WDR11: variants seen among roughly 807,000 people sequenced by gnomAD.
WDR11 encodes the protein WD repeat domain 11, also known as WD repeat-containing protein 11.
A neutral mutation model predicts 151.2 loss-of-function variants in WDR11; 83 were observed. That is an observed-to-expected ratio of 0.55 (90% CI 0.46 to 0.66). WDR11 has a LOEUF of 0.66. Ranked by LOEUF, WDR11 falls within the 30% of genes least tolerant of loss-of-function variation. The probability of loss-of-function intolerance (pLI) is 0.00; values close to 1 mark genes in which losing one functional copy is unlikely to be tolerated. For synonymous variants in WDR11, 484 were observed against 533.1 expected (o/e 0.91, Z 1.27); for missense variants, 1,301 against 1,480.9 (o/e 0.88, Z 1.99).
chr10:120,886,980 G>A (rs1246574902), intron 16 of WDR11, 144 bp downstream of exon 16: 2 of 853,486 alleles, frequency 2.3e-6, no homozygotes, highest in Non-Finnish European at 3.7e-6. Context: ...GATTAAACTT[G>A]TTCCATACTG....
chr10:120,886,418 T>C (rs572083527), intron 15 of WDR11, among the ~76,000 whole-genome samples: 19 of 152,316 alleles, frequency 1.2e-4, no homozygotes, highest in African/African-American at 4.6e-4. Context: ...CACAGTTCTA[T>C]AGCCAAAATC....
chr10:120,905,831 T>C, intron 26 of WDR11, 45 bp from the exon 27 acceptor site: 1 of 1,614,116 alleles, frequency 6.2e-7, no homozygotes, highest in Non-Finnish European at 8.5e-7. Context: ...TTTTTCTTTA[T>C]AGAGTGCAGG....
chr10:120,858,676 A>G lies in WDR11; in HGVS notation c.232A>G (p.Ile78Val). 2 of 1,614,254 alleles carry G rather than the reference A, an allele frequency of 1.2e-6. No homozygotes were observed. Among genetic ancestry groups the G allele is most frequent in the Non-Finnish European group, 1.7e-6 (2 of 1,180,050 alleles). The change falls in exon 3 of 29, where the codon ATT (isoleucine) becomes GTT (valine). Residue 78 changes from isoleucine to valine, a missense_variant. Ile to Val is a conservative substitution (Grantham distance 29, BLOSUM62 3). Coordinates refer to ENST00000263461, the MANE Select transcript of WDR11 (RefSeq NM_018117.12). ...GGCCAGGGAAAACTATCACCATAACATTGGCTCACCATATTGCTTACGGTT... is the reference window on the plus strand; with the variant it reads ...GGCCAGGGAAAACTATCACCATAACGTTGGCTCACCATATTGCTTACGGTT... Reference protein sequence around the residue: ...KWARENYHHNIGSPYCLRLAS... With the variant: ...KWARENYHHNVGSPYCLRLAS...
At chr10:120,894,299 A>G (rs887533358) in intron 19 of WDR11, among the ~76,000 whole-genome samples, 6 of 152,220 alleles carry the variant, frequency 3.9e-5, no homozygotes, top group African/African-American at 9.6e-5. Context: ...CTAAGTAAGC[A>G]TATATAGAAA....
chr10:120,888,792 TC>T (rs201466761), intron 16 of WDR11, among the ~76,000 whole-genome samples: 1 of 151,918 alleles, frequency 6.6e-6, no homozygotes, highest in South Asian at 2.1e-4. Flanking sequence ...TACTTTAATT[TC>T]CCCCTTTTTT....
At chr10:120,857,826 C>T (rs969214360) in intron 2 of WDR11, among the ~76,000 whole-genome samples, 1 of 151,672 alleles carries the variant, frequency 6.6e-6, no homozygotes, top group African/African-American at 2.4e-5. Context: ...AATAGAAATG[C>T]AAACAAAGAC....
At chr10:120,895,562 T>C (rs1352618041) in intron 19 of WDR11, among the ~76,000 whole-genome samples, 1 of 151,162 alleles carries the variant, frequency 6.6e-6, no homozygotes, top group African/African-American at 2.4e-5. Context: ...TAAACGAAAG[T>C]GTTCAATAAG....
At chr10:120,887,612 A>C (rs956933815) in intron 16 of WDR11, among the ~76,000 whole-genome samples, 8 of 152,214 alleles carry the variant, frequency 5.3e-5, no homozygotes, top group Non-Finnish European at 7.3e-5. Context: ...AGTCTTTTGA[A>C]GTGTAATGGG....
chr10:120,877,006 C>G (rs893688446), intron 11 of WDR11, among the ~76,000 whole-genome samples: 2 of 152,160 alleles, frequency 1.3e-5, no homozygotes, highest in Non-Finnish European at 2.9e-5. Flanking sequence ...AAAATGTTGG[C>G]TGAGCCAAGA....
chr10:120,874,709 C>T (rs1408140219), intron 11 of WDR11, among the ~76,000 whole-genome samples: 2 of 151,578 alleles, frequency 1.3e-5, no homozygotes, highest in Admixed American at 1.3e-4. Context: ...TGGCTTCCAG[C>T]TCCATCCATA....
intron 19 of WDR11, among the ~76,000 whole-genome samples, chr10:120,891,464 T>TAA (rs1277464502): frequency 1.4e-5 from 2 of 145,814 alleles, no homozygotes; most frequent in Admixed American, 6.8e-5. Flanking sequence ...ATATGACTTC[T>TAA]AAAAAAAAAA....
At chr10:120,905,041 T>C (rs1847980170) in intron 25 of WDR11, among the ~76,000 whole-genome samples, 2 of 152,220 alleles carry the variant, frequency 1.3e-5, no homozygotes, top group African/African-American at 4.8e-5. Context: ...ATAATAGGCA[T>C]AAATCCAACA....
At chr10:120,883,705 G>A in intron 13 of WDR11, 75 bp from the exon 14 acceptor site, 2 of 1,276,030 alleles carry the variant, frequency 1.6e-6, no homozygotes, top group Non-Finnish European at 2.3e-6. Context: ...TCAATTTACT[G>A]AACTTTTTAT....
In WDR11 at chr10:120,866,556, A is replaced by G. The variant is rs781497933; in HGVS notation, c.995-13A>G. The G allele has an allele frequency of 7.4e-6, 12 of 1,614,134 alleles. No individual in the cohort carries two copies. Among genetic ancestry groups the G allele is most frequent in the Admixed American group, 1.7e-5 (1 of 60,018 alleles). ...TGGCTGCTTTCTGATATTTAAAACA[A>G]TTTTATGTGAAGATCCAGATCCAGT... is the stretch of plus-strand genomic sequence containing the variant. On this transcript the variant is annotated splice_polypyrimidine_tract_variant and intron_variant, in intron 7 of 28. Transcript: ENST00000263461.
chr10:120,873,182 T>C (rs1170444837), intron 10 of WDR11, among the ~76,000 whole-genome samples: 1 of 152,208 alleles, frequency 6.6e-6, no homozygotes, highest in Non-Finnish European at 1.5e-5. Context: ...TTTGTGCCAA[T>C]TACTGTGCTT....
intron 2 of WDR11, 87 bp from the exon 3 acceptor site, chr10:120,858,556 T>C: frequency 6.8e-7 from 1 of 1,479,804 alleles, no homozygotes; most frequent in East Asian, 2.3e-5. Context: ...ATAAATGTAG[T>C]ATGGGTTCTG....
rs772736861 is a variant in WDR11, at chr10:120,885,934, A to G, written c.1969A>G (p.Ile657Val). ...TELSIVESSVISLLQEAESKS... is the reference protein window; with the variant it reads ...TELSIVESSVVSLLQEAESKS... ...GCTGAGTATTGTTGAATCATCTGTG[A>G]TCAGGTACAGTACAGTGTTTCTTGA... The change falls in exon 15 of 29, where the codon ATC (isoleucine) becomes GTC (valine). Residue 657 changes from isoleucine (I) to valine (V), a missense_variant. By Grantham distance (29) the Ile-to-Val change is conservative. Around this residue, in one of 3 missense-constraint regions of WDR11, gnomAD observed 20 missense variants for 47.8 expected, o/e 0.42. Coordinates refer to ENST00000263461, the MANE Select transcript of WDR11 (RefSeq NM_018117.12). The G allele has an allele frequency of 2.5e-6, 4 of 1,613,334 alleles. No individual in the cohort carries two copies. In the African/African-American group the frequency reaches 5.3e-5, roughly 22 times the overall value.
chr10:120,886,036 G>A, intron 15 of WDR11, 98 bp downstream of exon 15: 1 of 1,515,146 alleles, frequency 6.6e-7, no homozygotes. Flanking sequence ...GTAGCAAGTT[G>A]GACTCTGCTT....
At chr10:120,856,796 C>T (rs1845963836) in intron 2 of WDR11, among the ~76,000 whole-genome samples, 1 of 151,818 alleles carries the variant, frequency 6.6e-6, no homozygotes, top group Non-Finnish European at 1.5e-5. Flanking sequence ...CAAATATATA[C>T]ACATATACAA....
Sources: gnomAD v4.1 joint callset for allele counts (sites outside exome capture counted in the v4.1 genomes callset) on GRCh38, gnomAD v4.1.1 for gene constraint, gnomAD v4.1.1 regional missense constraint, MANE v1.5 for transcripts, NCBI Gene and HGNC (gene_info 2026-07-23, HGNC 2026-07-21) for gene names.